Variants in DMP1 observed in about 807,000 individuals in gnomAD.
DMP1 encodes the protein dentin matrix acidic phosphoprotein 1.
Under a neutral mutation model 14.6 loss-of-function variants are expected in DMP1, and 20 were observed. The observed-to-expected ratio is 1.37, with a 90% confidence interval of 0.96 to 1.99. The LOEUF is 1.99. Among genes scored for constraint, DMP1 ranks in the 30% most tolerant of loss-of-function variants. DMP1 has a pLI of 0.00. For missense variants in DMP1, 567 were observed against 620.5 expected (o/e 0.91, Z 0.92); for synonymous variants, 197 against 215.3 (o/e 0.91, Z 0.75).
intron 1 of DMP1, among the ~76,000 whole-genome samples, chr4:87,652,534 G>T (rs978891259): frequency 1.3e-5 from 2 of 152,234 alleles, no homozygotes; most frequent in African/African-American, 4.8e-5. Flanking sequence ...ACTTGCATCT[G>T]GGAAATTATT....
In DMP1 at chr4:87,662,449, G is replaced by A; in HGVS notation, c.671G>A (p.Arg224Lys). The change falls in exon 6 of 6, where the codon AGG (arginine) becomes AAG (lysine). Residue 224 changes from arginine to lysine, a missense_variant. Coordinates refer to ENST00000339673, the MANE Select transcript of DMP1 (RefSeq NM_004407.4). The stretch of plus-strand genomic sequence containing the variant: ...CAGAGTGATGACCCAGAGAGCATCA[G>A]GAGTGAAAGGGGAAACTCCAGAATG... ...GMQSDDPESI[R>K]SERGNSRMNS... 3 of 1,614,188 alleles carry A rather than the reference G, an allele frequency of 1.9e-6. No homozygotes were observed. Among genetic ancestry groups the A allele is most frequent in the Non-Finnish European group, 2.5e-6 (3 of 1,180,036 alleles).
intron 3 of DMP1, among the ~76,000 whole-genome samples, chr4:87,657,588 G>A (rs756099906): frequency 2.1e-4 from 32 of 152,296 alleles, no homozygotes; most frequent in Middle Eastern, 3.4e-3. Context: ...ACACCTCTGT[G>A]AATTAGGTAT....
chr4:87,661,375 C>T (rs1316080163), intron 5 of DMP1, among the ~76,000 whole-genome samples: 1 of 151,952 alleles, frequency 6.6e-6, no homozygotes, highest in Non-Finnish European at 1.5e-5. Flanking sequence ...GCGCCCGCCA[C>T]CTCGCCCGGC....
chr4:87,662,780 T>C lies in DMP1; in HGVS notation c.1002T>C (p.Asp334=), dbSNP rs371325611. 9 of 1,613,548 alleles carry C rather than the reference T, an allele frequency of 5.6e-6. No individual in the cohort carries two copies. Among genetic ancestry groups the C allele is most frequent in the Non-Finnish European group, 6.8e-6 (8 of 1,179,760 alleles). ...NLSQEESQNV[D]GPSSESSQEA... is the part of the protein sequence containing the mutation. ...CCCAGGAAGAGAGCCAAAACGTAGA[T>C]GGTCCCAGCAGTGAGTCCAGCCAAG... The change falls in exon 6 of 6, where the codon GAT becomes GAC. Residue 334 remains aspartate (D), a synonymous_variant. Coordinates refer to ENST00000339673, the MANE Select transcript of DMP1 (RefSeq NM_004407.4).
intron 1 of DMP1, among the ~76,000 whole-genome samples, chr4:87,655,203 G>A (rs1450963188): frequency 6.6e-6 from 1 of 152,152 alleles, no homozygotes; most frequent in Non-Finnish European, 1.5e-5. Context: ...TGAAATGTAT[G>A]GAAGTTCATC....
At position 87,657,185 on chromosome 4, in the gene DMP1, A is replaced by G. The variant is rs141269375; in HGVS notation, c.102+106A>G. On this transcript the variant is annotated intron_variant, in intron 3 of 5. Coordinates refer to ENST00000339673, the MANE Select transcript of DMP1 (RefSeq NM_004407.4). ...TGAAACTGCTAATGACTTCATCAGC[A>G]TATTAATAAGCTAAGCTATAGAGTT... The G allele has an allele frequency of 7.0e-3, 4,889 of 699,556 alleles. 29 individuals carry two copies. The highest frequency in any genetic ancestry group is 9.7e-3 in the Non-Finnish European group (3,818 of 394,944). The allele number at this position is 699,556 out of a possible 1,614,324, so 43.3% of individuals were successfully genotyped here.
chr4:87,656,274 T>C (rs1728688284), intron 1 of DMP1, among the ~76,000 whole-genome samples, 198 bp from the exon 2 acceptor site: 1 of 152,220 alleles, frequency 6.6e-6, no homozygotes, highest in African/African-American at 2.4e-5. Flanking sequence ...AAGTTTCCTC[T>C]ACTCTGCAGC....
chr4:87,654,477 G>A (rs1258772335), intron 1 of DMP1, among the ~76,000 whole-genome samples: 1 of 152,108 alleles, frequency 6.6e-6, no homozygotes, highest in Non-Finnish European at 1.5e-5. Flanking sequence ...ACTGAGGTGA[G>A]TCTCAATTAT....
At chr4:87,659,744 C>G (rs903278213) in intron 5 of DMP1, among the ~76,000 whole-genome samples, 1 of 152,160 alleles carries the variant, frequency 6.6e-6, no homozygotes, top group Non-Finnish European at 1.5e-5. Context: ...TAAACACATG[C>G]GCAGAAACAC....
At chr4:87,661,260 G>A (rs1180423045) in intron 5 of DMP1, among the ~76,000 whole-genome samples, 1 of 123,912 alleles carries the variant, frequency 8.1e-6, no homozygotes, top group African/African-American at 3.1e-5. Context: ...TCTCGCTGTC[G>A]CCCAGGCTGG....
intron 1 of DMP1, among the ~76,000 whole-genome samples, chr4:87,655,469 A>G (rs28453827): frequency 0.28 from 42,599 of 152,064 alleles, 6,247 homozygotes; most frequent in East Asian, 0.42. Context: ...ATCCTTCAGT[A>G]CTGTGAATGA....
chr4:87,661,042 T>C (rs948750615), intron 5 of DMP1, among the ~76,000 whole-genome samples: 1 of 145,238 alleles, frequency 6.9e-6, no homozygotes, highest in Non-Finnish European at 1.6e-5. Context: ...TTTTTGTGTG[T>C]GTGTTTGTTT....
chr4:87,653,388 T>C (rs1244581715), intron 1 of DMP1, among the ~76,000 whole-genome samples: 7 of 11,678 alleles, frequency 6.0e-4, no homozygotes, highest in Middle Eastern at 0.029. Flanking sequence ...TATCGAGTGA[T>C]ATATATATAT....
At chr4:87,659,795 G>T (rs976100528) in intron 5 of DMP1, among the ~76,000 whole-genome samples, 1 of 152,130 alleles carries the variant, frequency 6.6e-6, no homozygotes, top group African/African-American at 2.4e-5. Flanking sequence ...TGTCAAACTT[G>T]CTCATCAACT....
At chr4:87,656,139 G>A (rs758616550) in intron 1 of DMP1, among the ~76,000 whole-genome samples, 14 of 152,124 alleles carry the variant, frequency 9.2e-5, no homozygotes, top group Admixed American at 3.9e-4. Flanking sequence ...ATCTGCACAA[G>A]CTCTGGGCAA....
At position 87,663,365 on chromosome 4, in the gene DMP1, G is replaced by A. The variant is rs1365510050; in HGVS notation, c.*45G>A. ...CAGTTGTCACATAAAGGAGTCTTAGGGACTTGAAAATGTATCATGATAACT... is the reference window on the plus strand; with the variant it reads ...CAGTTGTCACATAAAGGAGTCTTAGAGACTTGAAAATGTATCATGATAACT... On this transcript the variant is annotated 3_prime_UTR_variant, in exon 6 of 6. Transcript: ENST00000339673. 6.2e-7 allele frequency: 1 copy of A among 1,613,602 alleles called. No homozygotes were observed.
chr4:87,663,293 T>C lies in DMP1; in HGVS notation c.1515T>C (p.Asp505=). The change falls in exon 6 of 6, where the codon GAT becomes GAC. Residue 505 remains aspartate, a synonymous_variant. Transcript: ENST00000339673. ...ACAACAAACCCATTGGGGACCAAGA[T>C]GACAATGACTGCCAAGACGGCTATT... ...AYHNKPIGDQ[D]DNDCQDGY 6.2e-7 allele frequency: 1 copy of C among 1,614,238 alleles called. No homozygotes were observed. The highest frequency in any genetic ancestry group is 8.5e-7 in the Non-Finnish European group (1 of 1,180,036).
chr4:87,656,577 A>C (rs1383343618), intron 2 of DMP1, 31 bp downstream of exon 2: 3 of 1,432,694 alleles, frequency 2.1e-6, no homozygotes, highest in African/African-American at 2.8e-5. Context: ...ATATGAAAAA[A>C]CCCTTTCATA....
intron 5 of DMP1, among the ~76,000 whole-genome samples, chr4:87,659,854 G>T (rs981886267): frequency 1.3e-5 from 2 of 152,176 alleles, no homozygotes; most frequent in African/African-American, 2.4e-5. Context: ...GTGAAGAAGT[G>T]CCTGGGAGCT....
Sources: allele counts gnomAD v4.1 joint callset (sites outside exome capture counted in the v4.1 genomes callset), GRCh38; gene constraint gnomAD v4.1.1; transcripts MANE v1.5; gene names NCBI Gene and HGNC (gene_info 2026-07-23, HGNC 2026-07-21).